The following ESPN variants were observed in gnomAD, a reference collection of about 807,000 sequenced individuals.
ESPN encodes the protein autosomal recessive deafness type 36 protein.
In ESPN, 68 loss-of-function variants were observed where a neutral mutation model predicts 77.7. That is an observed-to-expected ratio of 0.87 (90% confidence interval 0.72 to 1.07). The LOEUF is 1.07. ESPN is among the 50% of genes least tolerant of loss of function. The pLI is 0.00. For synonymous variants in ESPN, 449 were observed against 567.1 expected, an observed-to-expected ratio of 0.79 and a Z score of 2.96; for missense variants, 1,060 against 1,239.0, an observed-to-expected ratio of 0.86 and a Z score of 2.17.
rs373242735 is a variant in ESPN at position 6,444,570 on chromosome 1, G to A, written c.1080G>A (p.Thr360=). ...PDSGMSSPNT[T]VSVQPLNFDL... Reference sequence around the variant, plus strand: ...CAGGCATGTCCTCACCCAATACCACGGTGTCGGTCCAGCCGCTGAACTTTG... The same window carrying A: ...CAGGCATGTCCTCACCCAATACCACAGTGTCGGTCCAGCCGCTGAACTTTG... Residue 360 remains threonine, a synonymous_variant, in exon 6 of 13, where the codon ACG becomes ACA. Coordinates refer to ENST00000645284, the MANE Select transcript of ESPN (RefSeq NM_031475.3). 71 of 1,614,082 alleles carry A rather than the reference G, an allele frequency of 4.4e-5. No homozygotes were observed. Among genetic ancestry groups the A allele is most frequent in the Non-Finnish European group, 5.5e-5 (65 of 1,180,036 alleles).
rs1279698079 is a variant in ESPN, at chr1:6,425,239, G to A, written c.284G>A (p.Cys95Tyr). The change falls in exon 1 of 13, where the codon TGC becomes TAC. Residue 95 changes from cysteine to tyrosine, a missense_variant. Physicochemically the swap from Cys to Tyr is radical, Grantham distance 194. Around this residue, in one of 3 missense-constraint regions of ESPN, gnomAD observed 556 missense variants for 633.6 expected, o/e 0.88. Coordinates refer to ENST00000645284, the MANE Select transcript of ESPN (RefSeq NM_031475.3). Reference sequence around the variant, plus strand: ...CAGTGGCTGCTGTCGCAGGGCGGCTGCAGAGTGCAGGTGGGTCCGCGCGGT... The same window carrying A: ...CAGTGGCTGCTGTCGCAGGGCGGCTACAGAGTGCAGGTGGGTCCGCGCGGT... Reference protein sequence around the residue: ...CLQWLLSQGGCRVQDKDNSGA... With the variant: ...CLQWLLSQGGYRVQDKDNSGA... 2.6e-6 allele frequency: 4 copies of A among 1,566,450 alleles called. No individual in the cohort carries two copies. In the African/African-American group the frequency reaches 5.4e-5, roughly 21 times the overall value.
In ESPN at chr1:6,451,802, G is replaced by A. The variant is rs183026518; in HGVS notation, c.2062-31G>A. On this transcript the variant is annotated intron_variant, in intron 9 of 12. Transcript: ENST00000645284. The surrounding 1 kb of genome is among the most constrained non-coding windows in gnomAD (Gnocchi z 4.3). ...CCGGCTTCCCTGGCCCTAGGCCACC[G>A]GGCGCTCAGCCCCACCGCTTCTCCC... 8.1e-6 allele frequency: 13 copies of A among 1,609,822 alleles called. No homozygotes were observed. The highest frequency in any genetic ancestry group is 1.7e-4 in the Middle Eastern group (1 of 5,820).
intron 10 of ESPN, 119 bp from the exon 11 acceptor site, chr1:6,457,065 C>T (rs1452963473): frequency 9.8e-7 from 1 of 1,022,562 alleles, no homozygotes; most frequent in African/African-American, 1.6e-5. Context: ...CCACTTGTCA[C>T]ACAGATGTGC....
chr1:6,442,622 C>A, intron 5 of ESPN, among the ~76,000 whole-genome samples: 1 of 148,830 alleles, frequency 6.7e-6, no homozygotes, highest in East Asian at 2.0e-4. Context: ...GTAATCCTAG[C>A]ACTTTGGGAG....
chr1:6,434,304 CT>C (rs1189652941), intron 2 of ESPN, among the ~76,000 whole-genome samples: 1 of 152,236 alleles, frequency 6.6e-6, no homozygotes. Context: ...CATTCCATCT[CT>C]TCACTCCCTG....
rs775996656 is a variant in ESPN, at chr1:6,428,402, C to T, written c.471C>T (p.Leu157=). The change falls in exon 2 of 13, where the codon CTC becomes CTT. Residue 157 remains leucine, a synonymous_variant. Coordinates refer to ENST00000645284, the MANE Select transcript of ESPN (RefSeq NM_031475.3). The surrounding 1 kb of genome is among the most constrained non-coding windows in gnomAD (Gnocchi z 5.4). The part of the protein sequence containing the change: ...AKGDFPSLRL[L]VEHYPEGVNA... ...GAGACTTCCCCTCCCTGAGGCTTCT[C>T]GTCGAGCACTACCCTGAGTAAGATC... 12 of 1,612,142 alleles carry T rather than the reference C, an allele frequency of 7.4e-6. No homozygotes were observed. Among genetic ancestry groups the T allele is most frequent in the Middle Eastern group, 1.7e-4 (1 of 6,020 alleles).
intron 12 of ESPN, among the ~76,000 whole-genome samples, chr1:6,458,402 A>C (rs1317777643): frequency 7.5e-6 from 1 of 132,966 alleles, no homozygotes; most frequent in South Asian, 2.4e-4. Flanking sequence ...TGCAACCTCT[A>C]CCTCCTGGGT....
In ESPN at chr1:6,457,497, T is replaced by G; in HGVS notation, c.2417+125T>G. ...CTTGGCCCTTGTAGCACAGCCTCCT[T>G]CCTCCCTATAATACCCCAGAATCTC... is the stretch of plus-strand genomic sequence containing the variant. On this transcript the variant is annotated intron_variant, in intron 12 of 12. Transcript: ENST00000645284. 2.6e-6 allele frequency: 3 copies of G among 1,150,884 alleles called. No homozygotes were observed. In the South Asian group the frequency reaches 3.8e-5, roughly 15 times the overall value. The allele number at this position is 1,150,884 out of a possible 1,614,324, so 71.3% of individuals were successfully genotyped here. A position where few individuals can be genotyped will look rare whatever the true frequency, so the allele number is the denominator to read the frequency against.
At chr1:6,446,314 C>T (rs954463635) in intron 7 of ESPN, among the ~76,000 whole-genome samples, 4 of 152,170 alleles carry the variant, frequency 2.6e-5, no homozygotes, top group African/African-American at 9.7e-5. Flanking sequence ...GCCCCAGGCT[C>T]AGTCGGAGAG....
rs1032104411 is a variant in ESPN, at chr1:6,440,983, G to A, written c.908G>A (p.Arg303His). 19 of 1,606,776 alleles carry A rather than the reference G, an allele frequency of 1.2e-5. No individual in the cohort carries two copies. Among genetic ancestry groups the A allele is most frequent in the Admixed American group, 1.7e-5 (1 of 59,352 alleles). Residue 303 changes from arginine (R) to histidine (H), a missense_variant, in exon 5 of 13, where the codon CGC (arginine) becomes CAC (histidine). By Grantham distance (29) the Arg-to-His change is conservative. Transcript: ENST00000645284. The stretch of plus-strand genomic sequence containing the variant: ...GGCGCGGAGCTGGACGTCCGCGACC[G>A]CGACGGGTACACGGCCGCCGACCTG... ...VNGAELDVRD[R>H]DGYTAADLSD... is the part of the protein sequence containing the mutation.
chr1:6,441,462 T>A (rs1393016892), intron 5 of ESPN, among the ~76,000 whole-genome samples: 1 of 152,152 alleles, frequency 6.6e-6, no homozygotes, highest in Non-Finnish European at 1.5e-5. Flanking sequence ...CAAGATGGCA[T>A]CACCAGTAAC....
At chr1:6,444,806 C>T (rs1643768237) in intron 6 of ESPN, 124 bp downstream of exon 6, 3 of 1,162,324 alleles carry the variant, frequency 2.6e-6, no homozygotes, top group Non-Finnish European at 3.8e-6. Context: ...ATCACTTGCT[C>T]TTAAACATGG....
At chr1:6,461,099 G>C, downstream of ESPN, 1 of 549,854 alleles carries the variant, frequency 1.8e-6, no homozygotes, top group Non-Finnish European at 3.6e-6. The surrounding 1 kb of genome is among the most constrained non-coding windows in gnomAD (Gnocchi z 6.3). Flanking sequence ...AATCCCTCGA[G>C]AAAAGTCCAG....
At chr1:6,432,445 C>T (rs1037092804) in intron 2 of ESPN, among the ~76,000 whole-genome samples, 1 of 152,214 alleles carries the variant, frequency 6.6e-6, no homozygotes, top group African/African-American at 2.4e-5. Context: ...CCCTGACCTA[C>T]GTGGAGGCTC....
At chr1:6,432,584 A>C (rs1643289544) in intron 2 of ESPN, among the ~76,000 whole-genome samples, 1 of 152,104 alleles carries the variant, frequency 6.6e-6, no homozygotes, top group Admixed American at 6.5e-5. Flanking sequence ...CTACCCTTCT[A>C]AGGGGGAGAG....
intron 5 of ESPN, 66 bp from the exon 6 acceptor site, chr1:6,444,415 C>T: frequency 6.5e-7 from 1 of 1,536,162 alleles, no homozygotes; most frequent in Non-Finnish European, 9.0e-7. Context: ...TGAGTAGGAC[C>T]CTGGCCTGGA....
Position 6,425,051 on chromosome 1 carries a change from C to T in ESPN, c.96C>T (p.Arg32=). The change falls in exon 1 of 13, where the codon CGC becomes CGT. Residue 32 remains arginine, a synonymous_variant. Coordinates refer to ENST00000645284, the MANE Select transcript of ESPN (RefSeq NM_031475.3). ...HAAGLLGPSL[R]DPLDALPVHH... ...CAGGCCTCCTGGGGCCCTCGCTGCG[C>T]GACCCGCTGGACGCGCTGCCCGTGC... The T allele has an allele frequency of 6.8e-7, 1 of 1,469,494 alleles. No homozygotes were observed. The highest frequency in any genetic ancestry group is 8.9e-7 in the Non-Finnish European group (1 of 1,117,750). 91.0% of individuals were successfully genotyped at this position (1,469,494 alleles called of 1,614,324 possible). A position where few individuals can be genotyped will look rare whatever the true frequency, so the allele number is the denominator to read the frequency against.
chr1:6,441,285 C>A (rs114308448), intron 5 of ESPN, among the ~76,000 whole-genome samples: 1 of 152,124 alleles, frequency 6.6e-6, no homozygotes, highest in Non-Finnish European at 1.5e-5. Context: ...CAGAGTCACC[C>A]CAAGGGGTAA....
rs1021685578 is a variant in ESPN, at chr1:6,448,504, G to A, written c.1465-137G>A. 7 of 677,354 alleles carry A rather than the reference G, an allele frequency of 1.0e-5. No individual in the cohort carries two copies. In the African/African-American group the frequency reaches 1.2e-4, roughly 11 times the overall value. 42.0% of individuals were successfully genotyped at this position (677,354 alleles called of 1,614,324 possible). A position where few individuals can be genotyped will look rare whatever the true frequency, so the allele number is the denominator to read the frequency against. On this transcript the variant is annotated intron_variant, in intron 7 of 12. Coordinates refer to ENST00000645284, the MANE Select transcript of ESPN (RefSeq NM_031475.3). ...CCGCTGCCCACTGTGAGAACCAGGG[G>A]GTCTAGGAAGTCAGCTGCTGCACCC...
Sources: gnomAD v4.1 joint callset for allele counts (sites outside exome capture counted in the v4.1 genomes callset) on GRCh38, gnomAD v4.1.1 for gene constraint, gnomAD v4.1.1 regional missense constraint, Gnocchi (gnomAD v3.1) non-coding constraint, MANE v1.5 for transcripts, NCBI Gene and HGNC (gene_info 2026-07-23, HGNC 2026-07-21) for gene names.